Variants in CASP14 observed in about 807,000 individuals in gnomAD.
CASP14 encodes caspase 14.
CASP14 carries 27 observed loss-of-function variants against 28.4 expected under a neutral mutation model. The ratio of observed to expected loss-of-function variants is 0.95; its 90% confidence interval spans 0.70 to 1.31. CASP14 has a LOEUF of 1.31. Among genes scored for constraint, CASP14 ranks in the 50% most tolerant of loss-of-function variants. The pLI is 0.00. For missense variants in CASP14, 323 were observed against 312.8 expected (o/e 1.03, Z -0.25); for synonymous variants, 115 against 118.6 (o/e 0.97, Z 0.20).
chr19:15,052,232 G>A lies in CASP14; in HGVS notation c.-20G>A. 6.3e-7 allele frequency: 1 copy of A among 1,585,360 alleles called. No individual in the cohort carries two copies. Among genetic ancestry groups the A allele is most frequent in the South Asian group, 1.2e-5 (1 of 85,742 alleles). ...ATCAGACAAGGGTGCTGAGAGCCGGGACTCACAACCAAAGGAGAAATGAGC... is the reference window on the plus strand; with the variant it reads ...ATCAGACAAGGGTGCTGAGAGCCGGAACTCACAACCAAAGGAGAAATGAGC... On this transcript the variant is annotated 5_prime_UTR_variant, in exon 2 of 7. Coordinates refer to ENST00000427043, the MANE Select transcript of CASP14 (RefSeq NM_012114.3).
In CASP14 at chr19:15,053,745, G is replaced by C. The variant is rs747025277; in HGVS notation, c.190G>C (p.Glu64Gln). 1 of 1,613,422 alleles carries C rather than the reference G, an allele frequency of 6.2e-7. No homozygotes were observed. The highest frequency in any genetic ancestry group is 8.5e-7 in the Non-Finnish European group (1 of 1,179,554). Residue 64 changes from glutamate to glutamine, a missense_variant, in exon 4 of 7, where the codon GAG becomes CAG. Coordinates refer to ENST00000427043, the MANE Select transcript of CASP14 (RefSeq NM_012114.3). The part of the protein sequence containing the change: ...RDPTAEQFQE[E>Q]LEKFQQAIDS... Reference sequence around the variant, plus strand: ...CCTCTCACTCCAGCAATTCCAGGAAGAGCTGGAAAAATTCCAGCAGGCCAT... The same window carrying C: ...CCTCTCACTCCAGCAATTCCAGGAACAGCTGGAAAAATTCCAGCAGGCCAT...
chr19:15,050,496 T>TGATG (rs982284832), intron 1 of CASP14, among the ~76,000 whole-genome samples: 2 of 130,212 alleles, frequency 1.5e-5, no homozygotes, highest in African/African-American at 5.9e-5. Flanking sequence ...GTGGATGGAT[T>TGATG]GATGGATGGA....
In CASP14 at chr19:15,053,767, C is replaced by T. The variant is rs370807238; in HGVS notation, c.212C>T (p.Ala71Val). 5.0e-6 allele frequency: 8 copies of T among 1,613,782 alleles called. No individual in the cohort carries two copies. The highest frequency in any genetic ancestry group is 6.8e-6 in the Non-Finnish European group (8 of 1,179,756). ...FQEELEKFQQ[A>V]IDSREDPVSC... ...GAAGAGCTGGAAAAATTCCAGCAGG[C>T]CATCGATTCCCGGGAAGATCCCGTC... Residue 71 changes from alanine (A) to valine (V), a missense_variant, in exon 4 of 7, where the codon GCC becomes GTC. Physicochemically the swap from Ala to Val is moderately conservative, Grantham distance 64. Transcript: ENST00000427043.
Position 15,055,445 on chromosome 19 carries a change from G to A in CASP14, c.536G>A (p.Arg179Gln), listed in dbSNP as rs185297693. 204 of 1,613,946 alleles carry A rather than the reference G, an allele frequency of 1.3e-4. 1 individual carries two copies. In the East Asian group the frequency reaches 2.4e-3, roughly 19 times the overall value. ...GAATTCCCAGGATACATCGCCTACCGACATGATCAGAAAGGCTCATGCTTT... is the reference window on the plus strand; with the variant it reads ...GAATTCCCAGGATACATCGCCTACCAACATGATCAGAAAGGCTCATGCTTT... ...YSTVEGYIAY[R>Q]HDQKGSCFIQ... The change falls in exon 6 of 7, where the codon CGA becomes CAA. Residue 179 changes from arginine (R) to glutamine (Q), a missense_variant. Arg to Gln is a conservative substitution (Grantham distance 43). Coordinates refer to ENST00000427043, the MANE Select transcript of CASP14 (RefSeq NM_012114.3).
At chr19:15,054,940 C>A in intron 4 of CASP14, 1 of 523,254 alleles carries the variant, frequency 1.9e-6, no homozygotes, top group Non-Finnish European at 3.5e-6. Context: ...CGTGCCCAGC[C>A]CTTACCTTTC....
rs147008615 is a variant in CASP14, at chr19:15,055,168, C to T, written c.414C>T (p.Asp138=). Residue 138 remains aspartate (D), a synonymous_variant, in exon 5 of 7, where the codon GAC becomes GAT. Transcript: ENST00000427043. The stretch of plus-strand genomic sequence containing the variant: ...TTCTTGTTGTTTCAGAACAAAGGGA[C>T]CCCGGTGAAACAGTAGGTGGAGATG... ...IIQACRGEQR[D]PGETVGGDEI... is the part of the protein sequence containing the mutation. 6.2e-7 allele frequency: 1 copy of T among 1,613,592 alleles called. No individual in the cohort carries two copies. Among genetic ancestry groups the T allele is most frequent in the African/African-American group, 1.3e-5 (1 of 74,886 alleles).
rs187609445 is a variant in CASP14, at chr19:15,051,416, T to C, written c.-46-790T>C. 1.7e-3 allele frequency among the ~76,000 whole-genome samples: 253 copies of C among 147,352 alleles called. 6 individuals carry two copies. Among genetic ancestry groups the C allele is most frequent in the East Asian group, 0.014 (69 of 4,896 alleles). ...CGGGAGGCTGAGGCAGGATCATCAC[T>C]TGAACCCAGGAGGCAGAGGTTGCAG... On this transcript the variant is annotated intron_variant, in intron 1 of 6. Coordinates refer to ENST00000427043, the MANE Select transcript of CASP14 (RefSeq NM_012114.3).
chr19:15,053,964 G>A lies in CASP14; in HGVS notation c.403+6G>A. On this transcript the variant is annotated splice_donor_region_variant and intron_variant, in intron 4 of 6. Transcript: ENST00000427043. ...CATACAGGCCTGTCGAGGAGGTGGG[G>A]ACAGATCCAAGAGCACAGAGTCTGT... 1.2e-6 allele frequency: 2 copies of A among 1,609,482 alleles called. No individual in the cohort carries two copies. The highest frequency in any genetic ancestry group is 1.7e-6 in the Non-Finnish European group (2 of 1,177,358).
chr19:15,053,815 T>C lies in CASP14; in HGVS notation c.260T>C (p.Met87Thr). 1.2e-6 allele frequency: 2 copies of C among 1,614,104 alleles called. No homozygotes were observed. Among genetic ancestry groups the C allele is most frequent in the Non-Finnish European group, 8.5e-7 (1 of 1,180,016 alleles). ...DPVSCAFVVL[M>T]AHGREGFLKG... is the part of the protein sequence containing the mutation. ...GTCAGTTGTGCCTTCGTGGTACTCA[T>C]GGCTCACGGGAGGGAAGGCTTCCTC... Residue 87 changes from methionine (M) to threonine (T), a missense_variant, in exon 4 of 7, where the codon ATG becomes ACG. Physicochemically the swap from Met to Thr is moderately conservative, Grantham distance 81 (BLOSUM62 -1). Coordinates refer to ENST00000427043, the MANE Select transcript of CASP14 (RefSeq NM_012114.3).
At position 15,053,772 on chromosome 19, in the gene CASP14, G is replaced by A. The variant is rs143735207; in HGVS notation, c.217G>A (p.Asp73Asn). The change falls in exon 4 of 7, where the codon GAT becomes AAT. Residue 73 changes from aspartate to asparagine, a missense_variant. Coordinates refer to ENST00000427043, the MANE Select transcript of CASP14 (RefSeq NM_012114.3). ...GCTGGAAAAATTCCAGCAGGCCATC[G>A]ATTCCCGGGAAGATCCCGTCAGTTG... Reference protein sequence around the residue: ...EELEKFQQAIDSREDPVSCAF... With the variant: ...EELEKFQQAINSREDPVSCAF... 106 of 1,613,736 alleles carry A rather than the reference G, an allele frequency of 6.6e-5. No individual in the cohort carries two copies. In the East Asian group the frequency reaches 1.7e-3, roughly 25 times the overall value.
chr19:15,051,502 C>CCAAA (rs1555714984), intron 1 of CASP14, among the ~76,000 whole-genome samples: 2 of 84,668 alleles, frequency 2.4e-5, no homozygotes, highest in Non-Finnish European at 4.4e-5. Flanking sequence ...GATTCTGTCT[C>CCAAA]AAAAAAAAAA....
Position 15,055,749 on chromosome 19 carries a change from C to T in CASP14, c.624+216C>T, listed in dbSNP as rs533970808. On this transcript the variant is annotated intron_variant, in intron 6 of 6. Coordinates refer to ENST00000427043, the MANE Select transcript of CASP14 (RefSeq NM_012114.3). ...GGGAGATAAATTTCTATAAACAAATCCCCCTTGGATATAAACAATGTTTGG... is the reference window on the plus strand; with the variant it reads ...GGGAGATAAATTTCTATAAACAAATTCCCCTTGGATATAAACAATGTTTGG... Among the ~76,000 whole-genome samples the T allele has an allele frequency of 5.9e-5, 9 of 152,292 alleles. No individual in the cohort carries two copies. The East Asian group carries it at 1.7e-3, about 29-fold the overall frequency.
chr19:15,057,578 A>T lies in CASP14; in HGVS notation c.*1489A>T, dbSNP rs2046123341. 1 of 152,120 alleles carries T rather than the reference A, an allele frequency of 6.6e-6. No homozygotes were observed. The highest frequency in any genetic ancestry group is 1.9e-4 in the East Asian group (1 of 5,178). The allele number at this position is 152,120 out of a possible 1,614,324, so 9.4% of individuals were successfully genotyped here. On this transcript the variant is annotated 3_prime_UTR_variant, in exon 7 of 7. Coordinates refer to ENST00000427043, the MANE Select transcript of CASP14 (RefSeq NM_012114.3). Reference sequence around the variant, plus strand: ...TGATCTCCCTGGAACACTCAAGAAGACACAACATACCATATTATTTAAAGA... The same window carrying T: ...TGATCTCCCTGGAACACTCAAGAAGTCACAACATACCATATTATTTAAAGA...
intron 1 of CASP14, among the ~76,000 whole-genome samples, chr19:15,051,300 C>A (rs1170297840): frequency 2.6e-5 from 4 of 151,206 alleles, no homozygotes; most frequent in African/African-American, 9.7e-5. Context: ...AGATCAAGAC[C>A]ATCCTGGCTA....
chr19:15,052,334 G>A, intron 2 of CASP14, 56 bp downstream of exon 2: 3 of 1,488,314 alleles, frequency 2.0e-6, no homozygotes, highest in Non-Finnish European at 2.7e-6. Context: ...GGAAGGTGAG[G>A]ATTTTAATGT....
chr19:15,056,124 ATTCT>A lies in CASP14; in HGVS notation c.*40_*43del, dbSNP rs142912238. 1,455 of 1,495,688 alleles carry A rather than the reference ATTCT, an allele frequency of 9.7e-4. 32 individuals are homozygous for A. The East Asian group carries it at 0.035, about 36-fold the overall frequency. 92.7% of individuals were successfully genotyped at this position (1,495,688 alleles called of 1,614,324 possible). On this transcript the variant is annotated 3_prime_UTR_variant, in exon 7 of 7. Coordinates refer to ENST00000427043, the MANE Select transcript of CASP14 (RefSeq NM_012114.3). The stretch of plus-strand genomic sequence containing the variant: ...GACCAGGAGGAGCTTTCCTTCCAGC[ATTCT>A]TTCTGTCTCACAGAAATTTAGAGGC...
intron 2 of CASP14, 69 bp from the exon 3 acceptor site, chr19:15,053,413 G>T (rs1020277602): frequency 1.9e-5 from 30 of 1,593,624 alleles, no homozygotes; most frequent in Admixed American, 8.4e-5. Flanking sequence ...CAGCCTGCAT[G>T]CCTCTTTTGA....
chr19:15,053,350 C>T (rs1032118893), intron 2 of CASP14, 132 bp from the exon 3 acceptor site: 35 of 1,099,138 alleles, frequency 3.2e-5, no homozygotes, highest in Non-Finnish European at 4.4e-5. Flanking sequence ...TCAAGCAATC[C>T]TCCCACCTCG....
chr19:15,051,306 G>A (rs1276887416), intron 1 of CASP14, among the ~76,000 whole-genome samples: 2 of 151,498 alleles, frequency 1.3e-5, no homozygotes, highest in Non-Finnish European at 1.5e-5. Context: ...AGACCATCCT[G>A]GCTAACACAG....
Sources: allele counts gnomAD v4.1 joint callset (sites outside exome capture counted in the v4.1 genomes callset), GRCh38; gene constraint gnomAD v4.1.1; transcripts MANE v1.5; gene names NCBI Gene and HGNC (gene_info 2026-07-23, HGNC 2026-07-21).